DCLRE1C: variants seen among roughly 807,000 people sequenced by gnomAD.
DCLRE1C encodes the protein DNA cross-link repair 1C, also known as protein artemis.
Under a neutral mutation model 61.4 loss-of-function variants are expected in DCLRE1C, and 47 were observed. That is an observed-to-expected ratio of 0.77 (90% confidence interval 0.61 to 0.98). The LOEUF (loss-of-function observed/expected upper bound fraction) is 0.98. Ranked by LOEUF, DCLRE1C falls within the 50% of genes least tolerant of loss-of-function variation. The pLI is 0.00. For missense variants in DCLRE1C, 858 were observed against 816.0 expected, an observed-to-expected ratio of 1.05 and a Z score of -0.63; for synonymous variants, 337 against 287.6, an observed-to-expected ratio of 1.17 and a Z score of -1.74.
intron 2 of DCLRE1C, among the ~76,000 whole-genome samples, 161 bp downstream of exon 2, chr10:14,948,875 G>A (rs558172383): frequency 1.3e-5 from 2 of 152,136 alleles, no homozygotes; most frequent in East Asian, 1.9e-4. Flanking sequence ...TGAGTTGGGA[G>A]GTAAGAGGGG....
intron 13 of DCLRE1C, among the ~76,000 whole-genome samples, chr10:14,915,394 T>C (rs1229457346): frequency 1.3e-5 from 2 of 152,004 alleles, no homozygotes; most frequent in Non-Finnish European, 2.9e-5. Context: ...GGTAAACCTC[T>C]AGCTAGACTA....
At chr10:14,914,255 T>A (rs1835788773) in intron 13 of DCLRE1C, among the ~76,000 whole-genome samples, 1 of 152,224 alleles carries the variant, frequency 6.6e-6, no homozygotes, top group Admixed American at 6.5e-5. Flanking sequence ...TAGTAGATTG[T>A]AGAACTAAGA....
chr10:14,904,361 AAATACTTTCTT>A (rs1028588221), downstream of DCLRE1C: 5 of 149,380 alleles, frequency 3.3e-5, no homozygotes, highest in Admixed American at 2.7e-4. Flanking sequence ...TGTCAACAAA[AAATACTTTCTT>A]AATGGCATTT....
intron 2 of DCLRE1C, among the ~76,000 whole-genome samples, chr10:14,947,245 A>T (rs978060604): frequency 2.0e-5 from 3 of 151,712 alleles, no homozygotes; most frequent in African/African-American, 7.3e-5. Flanking sequence ...CAAACAAAAA[A>T]ACATGCCAAA....
chr10:14,948,204 T>C (rs1434697278), intron 2 of DCLRE1C, among the ~76,000 whole-genome samples: 1 of 148,924 alleles, frequency 6.7e-6, no homozygotes, highest in East Asian at 1.9e-4. Context: ...TAAGTCCCCG[T>C]CTCTACAAAA....
intron 4 of DCLRE1C, among the ~76,000 whole-genome samples, chr10:14,936,941 G>A (rs1840033223): frequency 6.6e-6 from 1 of 152,210 alleles, no homozygotes; most frequent in Non-Finnish European, 1.5e-5. Context: ...TCAGGAAAAT[G>A]TGGTCTAGCC....
intron 2 of DCLRE1C, among the ~76,000 whole-genome samples, chr10:14,948,328 C>T (rs1482044957): frequency 1.3e-5 from 2 of 152,138 alleles, no homozygotes; most frequent in Admixed American, 6.6e-5. Flanking sequence ...AGCAGAGAAG[C>T]CTGACATCCA....
Position 14,926,516 on chromosome 10 carries a change from T to C in DCLRE1C, c.972+327A>G, listed in dbSNP as rs41298906. ...AAAATACAAAAATTTTAGCTGGGCATGGTGGTGGGCACCTGTAGTCCCAGC... is the reference window on the plus strand; with the variant it reads ...AAAATACAAAAATTTTAGCTGGGCACGGTGGTGGGCACCTGTAGTCCCAGC... On this transcript the variant is annotated intron_variant, in intron 11 of 13. Transcript: ENST00000378278. Among the ~76,000 whole-genome samples, 1,429 of 152,088 alleles carry C rather than the reference T, an allele frequency of 9.4e-3. 28 individuals carry two copies. Among genetic ancestry groups the C allele is most frequent in the African/African-American group, 0.033 (1,366 of 41,488 alleles).
In DCLRE1C at chr10:14,922,978, C is replaced by A; in HGVS notation, c.1061+3G>T. The A allele has an allele frequency of 6.2e-7, 1 of 1,612,390 alleles. No individual in the cohort carries two copies. The highest frequency in any genetic ancestry group is 1.1e-5 in the South Asian group (1 of 91,024). On this transcript the variant is annotated splice_donor_region_variant and intron_variant, in intron 12 of 13. Transcript: ENST00000378278. ...CCAAGTCCCACAACCAGTGACTACTCACATTTCGACAACTTTATCCATAGT... is the reference window on the plus strand; with the variant it reads ...CCAAGTCCCACAACCAGTGACTACTAACATTTCGACAACTTTATCCATAGT...
chr10:14,915,682 C>A lies in DCLRE1C; in HGVS notation c.1156+4056G>T, dbSNP rs140540827. 3.1e-3 allele frequency among the ~76,000 whole-genome samples: 475 copies of A among 151,194 alleles called. 4 individuals are homozygous for A. The highest frequency in any genetic ancestry group is 0.011 in the African/African-American group (450 of 41,296). ...CCACAAAGAAAACTCCTTTCCCACC[C>A]AGATGGCTTCACTGGTAAATTCTAC... On this transcript the variant is annotated intron_variant, in intron 13 of 13. Transcript: ENST00000378278.
At chr10:14,951,423 G>GAAAAA (rs1842447987) in intron 1 of DCLRE1C, among the ~76,000 whole-genome samples, 1 of 121,344 alleles carries the variant, frequency 8.2e-6, no homozygotes, top group Non-Finnish European at 1.7e-5. Context: ...AAAAAAAAAG[G>GAAAAA]AAGTGATGTG....
intron 12 of DCLRE1C, among the ~76,000 whole-genome samples, chr10:14,921,858 G>T (rs894350995): frequency 3.3e-5 from 5 of 152,102 alleles, no homozygotes; most frequent in Admixed American, 3.3e-4. Context: ...CATGGTTTTA[G>T]TTCTCACCTG....
At chr10:14,944,341 A>C (rs1017490280) in intron 3 of DCLRE1C, among the ~76,000 whole-genome samples, 57 of 151,962 alleles carry the variant, frequency 3.8e-4, no homozygotes, top group African/African-American at 1.4e-3. Flanking sequence ...CCTACTAAAA[A>C]CACAAATATT....
intron 11 of DCLRE1C, among the ~76,000 whole-genome samples, chr10:14,925,055 G>A (rs1291081465): frequency 6.6e-6 from 1 of 151,838 alleles, no homozygotes; most frequent in African/African-American, 2.4e-5. Flanking sequence ...CTTTAAGACA[G>A]TGGAAAGGCA....
In DCLRE1C at chr10:14,909,008, AAAG is replaced by A. The variant is rs756239667; in HGVS notation, c.1476_1478del (p.Phe493del). On this transcript the variant is annotated inframe_deletion, in exon 14 of 14. Transcript: ENST00000378278. ...CATCTGTGATTTCATCATTTCTTTT[AAAG>A]AATACTTCCCACTGGGGTACATCCC... 6.2e-6 allele frequency: 10 copies of A among 1,613,936 alleles called. No individual in the cohort carries two copies. The highest frequency in any genetic ancestry group is 8.5e-6 in the Non-Finnish European group (10 of 1,179,972).
At chr10:14,937,813 G>C (rs1312692964) in intron 4 of DCLRE1C, among the ~76,000 whole-genome samples, 2 of 145,862 alleles carry the variant, frequency 1.4e-5, no homozygotes, top group Non-Finnish European at 1.5e-5. Context: ...AGAATCGCTT[G>C]AAACCAGGAG....
chr10:14,922,049 C>T (rs1370986994), intron 12 of DCLRE1C, among the ~76,000 whole-genome samples: 1 of 152,232 alleles, frequency 6.6e-6, no homozygotes, highest in Non-Finnish European at 1.5e-5. Flanking sequence ...TGCCTTTGCA[C>T]CCGGCCTCTC....
intron 2 of DCLRE1C, 93 bp from the exon 3 acceptor site, chr10:14,945,282 C>T: frequency 7.0e-7 from 1 of 1,422,780 alleles, no homozygotes; most frequent in Non-Finnish European, 9.6e-7. Flanking sequence ...CTAATAATTT[C>T]ATTTGAGACC....
In DCLRE1C at chr10:14,939,855, G is replaced by T. The variant is rs191086777; in HGVS notation, c.261C>A (p.Ile87=). The T allele has an allele frequency of 5.0e-6, 8 of 1,593,946 alleles. No homozygotes were observed. In the African/African-American group the frequency reaches 8.1e-5, roughly 16 times the overall value. The change falls in exon 4 of 14, where the codon ATC becomes ATA. Residue 87 remains isoleucine (I), a synonymous_variant. Coordinates refer to ENST00000378278, the MANE Select transcript of DCLRE1C (RefSeq NM_001033855.3). ...FWKKRIISIE[I]ETPTQISLVD... Reference sequence around the variant, plus strand: ...CTAAAGATATCTGGGTAGGAGTCTCGATTTCAATAGATATCTATAAAAATA... The same window carrying T: ...CTAAAGATATCTGGGTAGGAGTCTCTATTTCAATAGATATCTATAAAAATA...
Sources: allele counts gnomAD v4.1 joint callset (sites outside exome capture counted in the v4.1 genomes callset), GRCh38; gene constraint gnomAD v4.1.1; transcripts MANE v1.5; gene names NCBI Gene and HGNC (gene_info 2026-07-23, HGNC 2026-07-21).